Variants in MCEE observed in about 807,000 individuals in gnomAD.
MCEE encodes methylmalonyl-CoA epimerase.
Under a neutral mutation model 12.9 loss-of-function variants are expected in MCEE, and 6 were observed. That is an observed-to-expected ratio of 0.47 (90% CI 0.26 to 0.92). MCEE has a LOEUF of 0.92. MCEE is among the 40% of genes least tolerant of loss of function. MCEE has a pLI of 0.16. For synonymous variants in MCEE, 78 were observed against 77.9 expected (o/e 1.00, Z -0.01); for missense variants, 214 against 212.1 (o/e 1.01, Z -0.05).
intron 2 of MCEE, among the ~76,000 whole-genome samples, chr2:71,122,457 A>G (rs922392609): frequency 6.6e-6 from 1 of 152,194 alleles, no homozygotes; most frequent in Non-Finnish European, 1.5e-5. Context: ...GACATACCCG[A>G]GACTGGGCAA....
chr2:71,124,281 T>C lies in MCEE; in HGVS notation c.303A>G (p.Pro101=). 6.2e-7 allele frequency: 1 copy of C among 1,614,234 alleles called. No individual in the cohort carries two copies. The highest frequency in any genetic ancestry group is 8.5e-7 in the Non-Finnish European group (1 of 1,180,034). The stretch of plus-strand genomic sequence containing the variant: ...CTGCAATTGGACTGTCACGTCCCAA[T>C]GGATGAAGCAGTTCCATCTTGGTAT... ...LGNTKMELLH[P]LGRDSPIAGF... The change falls in exon 2 of 3, where the codon CCA becomes CCG. Residue 101 remains proline, a synonymous_variant. Transcript: ENST00000244217.
chr2:71,126,568 CAAAAAAAAAAAAAA>C (rs70959207), intron 1 of MCEE, among the ~76,000 whole-genome samples: 1 of 72,154 alleles, frequency 1.4e-5, no homozygotes, highest in Admixed American at 1.9e-4. Flanking sequence ...TACATTTTAC[CAAAAAAAAAAAAAA>C]AAAAAAAAAA....
At chr2:71,118,525 G>A (rs1422705434) in intron 2 of MCEE, 3 of 150,272 alleles carry the variant, frequency 2.0e-5, no homozygotes, top group African/African-American at 7.6e-5. Flanking sequence ...TGAGAGCCTG[G>A]GAAGTCCAAG....
At chr2:71,117,521 C>T (rs906805010) in intron 2 of MCEE, 9 of 150,312 alleles carry the variant, frequency 6.0e-5, no homozygotes, top group Non-Finnish European at 8.8e-5. Context: ...TGAGTTACCT[C>T]ACTAGCCTGT....
At chr2:71,127,573 T>C (rs763605946) in intron 1 of MCEE, among the ~76,000 whole-genome samples, 7 of 152,256 alleles carry the variant, frequency 4.6e-5, no homozygotes, top group Non-Finnish European at 8.8e-5. Context: ...TTCATTTCTT[T>C]GCATCTTTGC....
chr2:71,124,509 T>C lies in MCEE; in HGVS notation c.75A>G (p.Thr25=). The C allele has an allele frequency of 3.7e-6, 6 of 1,614,064 alleles. No individual in the cohort carries two copies. The highest frequency in any genetic ancestry group is 5.1e-6 in the Non-Finnish European group (6 of 1,180,028). The change falls in exon 2 of 3, where the codon ACA becomes ACG. Residue 25 remains threonine, a synonymous_variant. Transcript: ENST00000244217. ...GCTGTGATGTGGAAGAAGCTCTTAC[T>C]GTTGGAATGGGAGCTTGAAGTCTGG... ...LFSRLQAPIP[T]VRASSTSQPL...
intron 1 of MCEE, among the ~76,000 whole-genome samples, chr2:71,124,899 A>G (rs902269675): frequency 2.0e-5 from 3 of 152,132 alleles, no homozygotes; most frequent in Non-Finnish European, 4.4e-5. Flanking sequence ...CATATATTTA[A>G]TAAGAGCAAG....
At chr2:71,122,719 T>C (rs149772059) in intron 2 of MCEE, among the ~76,000 whole-genome samples, 6,201 of 152,214 alleles carry the variant, frequency 0.041, 384 homozygotes, top group African/African-American at 0.13. Context: ...TCCCACAACA[T>C]GTGGGAATTC....
intron 1 of MCEE, among the ~76,000 whole-genome samples, chr2:71,126,471 C>A (rs1023748204): frequency 4.0e-5 from 6 of 151,558 alleles, no homozygotes; most frequent in African/African-American, 1.5e-4. Flanking sequence ...CGTGATCCGC[C>A]CACCTCGGCC....
chr2:71,127,778 C>T (rs952739428), intron 1 of MCEE, among the ~76,000 whole-genome samples: 4 of 152,166 alleles, frequency 2.6e-5, no homozygotes, highest in African/African-American at 9.7e-5. Context: ...AGGAGCGCGC[C>T]ACCACGCCCG....
chr2:71,129,908 G>A, intron 1 of MCEE: 2 of 568,614 alleles, frequency 3.5e-6, no homozygotes, highest in Non-Finnish European at 6.3e-6. Flanking sequence ...AAGTTCCCTC[G>A]ACTCTCCCGC....
At chr2:71,115,098 C>CA (rs1177804226) in intron 2 of MCEE, among the ~76,000 whole-genome samples, 1 of 152,162 alleles carries the variant, frequency 6.6e-6, no homozygotes, top group Non-Finnish European at 1.5e-5. Flanking sequence ...AGCCTGGGCA[C>CA]AGTGTTTCAT....
Position 71,130,190 on chromosome 2 carries a change from CGCGGCT to C in MCEE, c.24_29del (p.Ala9_Ala10del). On this transcript the variant is annotated inframe_deletion, in exon 1 of 3. Coordinates refer to ENST00000244217, the MANE Select transcript of MCEE (RefSeq NM_032601.4). ...GTGCCCGGTATTCACCTACGGCATT[CGCGGCT>C]GCAGCCTTCAGCACCCGCGCCATTT... The C allele has an allele frequency of 6.2e-7, 1 of 1,608,544 alleles. No homozygotes were observed. The highest frequency in any genetic ancestry group is 8.5e-7 in the Non-Finnish European group (1 of 1,178,422).
At chr2:71,122,572 G>A (rs959298491) in intron 2 of MCEE, among the ~76,000 whole-genome samples, 1 of 152,218 alleles carries the variant, frequency 6.6e-6, no homozygotes, top group African/African-American at 2.4e-5. Context: ...TACATGGATG[G>A]CAGCAGGCAA....
At chr2:71,125,211 A>ATATATATATATATATATATTTTTTTTTT in intron 1 of MCEE, among the ~76,000 whole-genome samples, 48 of 48,536 alleles carry the variant, frequency 9.9e-4, no homozygotes, top group Non-Finnish European at 1.6e-3. Context: ...ATATATATAT[A>ATATATATATATATATATATTTTTTTTTT]TTTTTTTTTT....
rs1553438820 is a variant in MCEE, at chr2:71,110,040, T to C, written c.461A>G (p.His154Arg). ...SLSEEVKIGA[H>R]GKPVIFLHPK... Reference sequence around the variant, plus strand: ...ATGGAGAAAAATCACTGGTTTTCCATGTGCTCCTATTTTGACCTCTTCACT... The same window carrying C: ...ATGGAGAAAAATCACTGGTTTTCCACGTGCTCCTATTTTGACCTCTTCACT... Residue 154 changes from histidine to arginine, a missense_variant, in exon 3 of 3, where the codon CAT becomes CGT. Coordinates refer to ENST00000244217, the MANE Select transcript of MCEE (RefSeq NM_032601.4). 2 of 1,613,806 alleles carry C rather than the reference T, an allele frequency of 1.2e-6. No individual in the cohort carries two copies. The highest frequency in any genetic ancestry group is 1.7e-4 in the Middle Eastern group (1 of 6,060).
In MCEE at chr2:71,124,315, T is replaced by C. The variant is rs758798866; in HGVS notation, c.269A>G (p.Asn90Ser). 4.3e-6 allele frequency: 7 copies of C among 1,614,184 alleles called. No individual in the cohort carries two copies. Among genetic ancestry groups the C allele is most frequent in the Admixed American group, 3.3e-5 (2 of 60,026 alleles). The change falls in exon 2 of 3, where the codon AAC becomes AGC. Residue 90 changes from asparagine to serine, a missense_variant. Coordinates refer to ENST00000244217, the MANE Select transcript of MCEE (RefSeq NM_032601.4). ...CAGTTCCATCTTGGTATTTCCCAGG[T>C]TGACAAAAACAACAGATACTCCATG... ...PEHGVSVVFVNLGNTKMELLH... is the reference protein window; with the variant it reads ...PEHGVSVVFVSLGNTKMELLH...
In MCEE at chr2:71,109,878, G is replaced by T; in HGVS notation, c.*92C>A. 1 of 1,229,670 alleles carries T rather than the reference G, an allele frequency of 8.1e-7. No homozygotes were observed. The highest frequency in any genetic ancestry group is 2.4e-5 in the East Asian group (1 of 42,256). 76.2% of individuals were successfully genotyped at this position (1,229,670 alleles called of 1,614,324 possible). A position where few individuals can be genotyped will look rare whatever the true frequency, so the allele number is the denominator to read the frequency against. On this transcript the variant is annotated 3_prime_UTR_variant, in exon 3 of 3. Coordinates refer to ENST00000244217, the MANE Select transcript of MCEE (RefSeq NM_032601.4). ...CTTTAACTGTGAACTTTTACATGAT[G>T]GAAGCAGTGAAGGACTCAATGTCAT...
In MCEE at chr2:71,129,148, T is replaced by A. The variant is rs115614835; in HGVS notation, c.40+1032A>T. 8.7e-4 allele frequency among the ~76,000 whole-genome samples: 132 copies of A among 152,276 alleles called. 1 individual carries two copies. Among genetic ancestry groups the A allele is most frequent in the African/African-American group, 3.1e-3 (129 of 41,544 alleles). ...CTTTATGCCAAGATGTGTATGTAAG[T>A]ACAAAACAAACATGCACCTTTATCT... On this transcript the variant is annotated intron_variant, in intron 1 of 2. Transcript: ENST00000244217.
Sources: gnomAD v4.1 joint callset for allele counts (sites outside exome capture counted in the v4.1 genomes callset) on GRCh38, gnomAD v4.1.1 for gene constraint, MANE v1.5 for transcripts, NCBI Gene and HGNC (gene_info 2026-07-23, HGNC 2026-07-21) for gene names.